Variants in LPP observed in about 807,000 individuals in gnomAD.
LPP encodes the protein LIM domain containing preferred translocation partner in lipoma.
In LPP, 38 loss-of-function variants were observed where a neutral mutation model predicts 60.4. The observed-to-expected ratio is 0.63, with a 90% CI of 0.49 to 0.83. LPP has a LOEUF of 0.83. Ranked by LOEUF, LPP falls within the 40% of genes least tolerant of loss-of-function variation. The probability of loss-of-function intolerance (pLI) is 0.00; values close to 1 mark genes in which losing one functional copy is unlikely to be tolerated. For synonymous variants in LPP, 328 were observed against 290.8 expected, an observed-to-expected ratio of 1.13 and a Z score of -1.30; for missense variants, 902 against 783.6, an observed-to-expected ratio of 1.15 and a Z score of -1.80.
intron 4 of LPP, among the ~76,000 whole-genome samples, chr3:188,411,656 A>G (rs1216450174): frequency 1.3e-5 from 2 of 152,106 alleles, no homozygotes; most frequent in African/African-American, 4.8e-5. Flanking sequence ...TTGTCCTATA[A>G]TCTGGGTTTT....
intron 2 of LPP, chr3:188,240,170 T>G (rs1577473785): frequency 1.1e-5 from 2 of 184,624 alleles, no homozygotes; most frequent in African/African-American, 4.7e-5. Context: ...AAGGTGGGGT[T>G]TATGTGTAAA....
intron 9 of LPP, among the ~76,000 whole-genome samples, chr3:188,792,489 G>A (rs898902174): frequency 3.3e-5 from 5 of 152,150 alleles, no homozygotes; most frequent in African/African-American, 1.2e-4. Flanking sequence ...TTCACTGGCA[G>A]CATTTTAGAA....
chr3:188,383,756 T>G (rs1448155109), intron 3 of LPP, among the ~76,000 whole-genome samples: 1 of 152,180 alleles, frequency 6.6e-6, no homozygotes, highest in Non-Finnish European at 1.5e-5. Flanking sequence ...CACTTAACAT[T>G]ATTTTTAAAT....
intron 9 of LPP, among the ~76,000 whole-genome samples, chr3:188,795,324 A>G (rs1250348308): frequency 6.6e-6 from 1 of 152,200 alleles, no homozygotes; most frequent in African/African-American, 2.4e-5. Flanking sequence ...ATTTAACACA[A>G]TGCAAGTTTA....
At chr3:188,555,603 T>C (rs189579718) in intron 6 of LPP, among the ~76,000 whole-genome samples, 1 of 152,206 alleles carries the variant, frequency 6.6e-6, no homozygotes, top group South Asian at 2.1e-4. Flanking sequence ...GAATGGCTCC[T>C]AGGTTTTTAC....
intron 3 of LPP, among the ~76,000 whole-genome samples, chr3:188,360,010 C>G (rs909080327): frequency 5.3e-5 from 8 of 152,144 alleles, no homozygotes; most frequent in Admixed American, 5.2e-4. Context: ...AGACCCAGTC[C>G]CTCACAAGAT....
intron 4 of LPP, among the ~76,000 whole-genome samples, chr3:188,462,544 TTATATATATATATATATATATATA>T (rs71167102): frequency 6.7e-4 from 23 of 34,206 alleles, no homozygotes; most frequent in East Asian, 6.7e-3. Flanking sequence ...TATATGAGCT[TTATATATATATATATATATATATA>T]TATATATATA....
intron 4 of LPP, among the ~76,000 whole-genome samples, chr3:188,451,912 A>G (rs1456371221): frequency 6.6e-6 from 1 of 152,190 alleles, no homozygotes; most frequent in Non-Finnish European, 1.5e-5. Context: ...AGTGCTTACT[A>G]TGCTCTAGAA....
At chr3:188,579,764 A>T (rs1835621652) in intron 6 of LPP, among the ~76,000 whole-genome samples, 1 of 151,186 alleles carries the variant, frequency 6.6e-6, no homozygotes, top group Non-Finnish European at 1.5e-5. Flanking sequence ...GTTTGAGACC[A>T]GCCTGGGCAA....
chr3:188,733,174 T>G (rs1049584693), intron 8 of LPP, among the ~76,000 whole-genome samples: 8 of 152,184 alleles, frequency 5.3e-5, no homozygotes, highest in African/African-American at 1.9e-4. Flanking sequence ...CATATGTGAC[T>G]GTGGATGGGT....
At chr3:188,281,329 T>TAGTGG (rs1215118432) in intron 2 of LPP, among the ~76,000 whole-genome samples, 1 of 152,088 alleles carries the variant, frequency 6.6e-6, no homozygotes, top group Non-Finnish European at 1.5e-5. Flanking sequence ...AGGCCAGGCA[T>TAGTGG]AGTGGCTCAC....
intron 9 of LPP, among the ~76,000 whole-genome samples, chr3:188,771,030 T>C (rs937025571): frequency 3.3e-5 from 5 of 152,230 alleles, no homozygotes; most frequent in African/African-American, 1.2e-4. Flanking sequence ...TTTGCCCAGA[T>C]GGATCTGCAT....
chr3:188,556,661 T>C (rs1829542014), intron 6 of LPP, among the ~76,000 whole-genome samples: 1 of 152,028 alleles, frequency 6.6e-6, no homozygotes, highest in Non-Finnish European at 1.5e-5. Flanking sequence ...TTAACCTCAT[T>C]ATGATCTAAT....
intron 7 of LPP, among the ~76,000 whole-genome samples, chr3:188,637,479 C>A (rs1016757795): frequency 3.1e-4 from 47 of 150,578 alleles, no homozygotes; most frequent in Non-Finnish European, 6.2e-4. Flanking sequence ...CAAACACATT[C>A]AAAAGCTAGC....
At chr3:188,305,536 G>C (rs1751241758) in intron 2 of LPP, among the ~76,000 whole-genome samples, 1 of 152,066 alleles carries the variant, frequency 6.6e-6, no homozygotes, top group African/African-American at 2.4e-5. Flanking sequence ...GAGTTTTACT[G>C]GGTCTTGGTC....
At chr3:188,867,097 T>G (rs551895088) in intron 10 of LPP, among the ~76,000 whole-genome samples, 1 of 152,202 alleles carries the variant, frequency 6.6e-6, no homozygotes, top group African/African-American at 2.4e-5. Flanking sequence ...GGGCCCAAAA[T>G]AATCTGTCCC....
intron 7 of LPP, among the ~76,000 whole-genome samples, chr3:188,657,997 T>C (rs1169335487): frequency 6.6e-6 from 1 of 152,176 alleles, no homozygotes; most frequent in Non-Finnish European, 1.5e-5. Flanking sequence ...CCTTAGAACT[T>C]TGTGACTGTG....
chr3:188,493,228 A>G (rs1319116492), intron 5 of LPP, among the ~76,000 whole-genome samples: 1 of 152,166 alleles, frequency 6.6e-6, no homozygotes. Flanking sequence ...TTACTTCAGT[A>G]TTGTACCAAG....
chr3:188,245,117 C>CA (rs1553830893), intron 2 of LPP, among the ~76,000 whole-genome samples: 6 of 151,776 alleles, frequency 4.0e-5, no homozygotes, highest in Non-Finnish European at 7.4e-5. Context: ...CTGCCCCCGC[C>CA]TTTTTTTTCT....
Sources: gnomAD v4.1 joint callset for allele counts (sites outside exome capture counted in the v4.1 genomes callset) on GRCh38, gnomAD v4.1.1 for gene constraint, MANE v1.5 for transcripts, NCBI Gene and HGNC (gene_info 2026-07-23, HGNC 2026-07-21) for gene names.